SDK1: variants seen among roughly 807,000 people sequenced by gnomAD.
SDK1 encodes sidekick cell adhesion molecule 1.
A neutral mutation model predicts 245.5 loss-of-function variants in SDK1; 157 were observed. The ratio of observed to expected loss-of-function variants is 0.64; its 90% CI spans 0.56 to 0.73. The LOEUF is 0.73. Among genes scored for constraint, SDK1 ranks in the 30% least tolerant of loss-of-function variants. The pLI, the probability that SDK1 is intolerant of heterozygous loss-of-function variation, is 0.00. For missense variants in SDK1, 3,583 were observed against 3,002.3 expected (o/e 1.19, Z -4.52); for synonymous variants, 1,647 against 1,278.5 (o/e 1.29, Z -6.15).
chr7:3,920,366 T>C (rs555382962), intron 5 of SDK1, among the ~76,000 whole-genome samples: 5 of 151,832 alleles, frequency 3.3e-5, no homozygotes, highest in South Asian at 4.2e-4. Flanking sequence ...ACAGGAGTGG[T>C]AAGAGGGGAA....
chr7:3,987,108 C>T, intron 13 of SDK1, 78 bp from the exon 14 acceptor site: 2 of 1,437,536 alleles, frequency 1.4e-6, no homozygotes, highest in South Asian at 1.2e-5. Context: ...GCAGGACGGT[C>T]TGCTGTAAGA....
At chr7:4,043,028 T>C (rs1249548703) in intron 17 of SDK1, among the ~76,000 whole-genome samples, 1 of 152,224 alleles carries the variant, frequency 6.6e-6, no homozygotes, top group Non-Finnish European at 1.5e-5. Context: ...ACCTCCCTTG[T>C]CCTGTGACTG....
chr7:3,491,366 G>A (rs1219408151), intron 1 of SDK1, among the ~76,000 whole-genome samples: 2 of 152,206 alleles, frequency 1.3e-5, no homozygotes, highest in Non-Finnish European at 2.9e-5. Context: ...CCAGGCATCA[G>A]TATTTTGCAA....
rs377342132 is a variant in SDK1 at position 4,155,160 on chromosome 7, G to A, written c.4626-3288G>A. On this transcript the variant is annotated intron_variant, in intron 30 of 44. Coordinates refer to ENST00000404826, the MANE Select transcript of SDK1 (RefSeq NM_152744.4). ...GGGCAGTGGGGCTGCTGCTCCCATCGGCTGCCTGCTGGAGCTGCTTTCTGC... is the reference window on the plus strand; with the variant it reads ...GGGCAGTGGGGCTGCTGCTCCCATCAGCTGCCTGCTGGAGCTGCTTTCTGC... Among the ~76,000 whole-genome samples, 8 of 151,866 alleles carry A rather than the reference G, an allele frequency of 5.3e-5. 1 individual carries two copies. The East Asian group carries it at 7.8e-4, about 15-fold the overall frequency.
intron 1 of SDK1, among the ~76,000 whole-genome samples, chr7:3,461,961 A>G (rs1462808397): frequency 1.3e-5 from 2 of 152,100 alleles, no homozygotes; most frequent in Non-Finnish European, 2.9e-5. Flanking sequence ...AGCATGTTCA[A>G]GACTCTTCTG....
At chr7:3,676,814 C>T (rs12531974) in intron 4 of SDK1, among the ~76,000 whole-genome samples, 54,549 of 152,054 alleles carry the variant, frequency 0.36, 9,865 homozygotes, top group East Asian at 0.42. Flanking sequence ...CTTTGTTGAT[C>T]AGATGGTTGT....
chr7:3,319,371 G>C (rs1156563498), intron 1 of SDK1, among the ~76,000 whole-genome samples: 2 of 152,120 alleles, frequency 1.3e-5, no homozygotes, highest in Non-Finnish European at 2.9e-5. Flanking sequence ...AAGGGGTTGA[G>C]TGCCTGTAAG....
At chr7:3,430,727 C>G (rs1339597883) in intron 1 of SDK1, among the ~76,000 whole-genome samples, 1 of 152,180 alleles carries the variant, frequency 6.6e-6, no homozygotes, top group Non-Finnish European at 1.5e-5. Flanking sequence ...TGTTAGGAAT[C>G]TATCTCTAGT....
intron 4 of SDK1, among the ~76,000 whole-genome samples, chr7:3,692,207 A>T (rs915142321): frequency 1.2e-4 from 18 of 152,276 alleles, no homozygotes; most frequent in African/African-American, 3.6e-4. Flanking sequence ...TTCTTAAAAA[A>T]TTCTTTCTGA....
intron 2 of SDK1, among the ~76,000 whole-genome samples, chr7:3,623,818 C>T (rs796938229): frequency 6.6e-6 from 1 of 152,144 alleles, no homozygotes; most frequent in Non-Finnish European, 1.5e-5. Context: ...TAATTGTATA[C>T]TCTAAACTCC....
At position 3,870,098 on chromosome 7, in the gene SDK1, C is replaced by A. The variant is rs145107333; in HGVS notation, c.847+48515C>A. Among the ~76,000 whole-genome samples the A allele has an allele frequency of 4.2e-3, 637 of 152,224 alleles. 6 individuals carry two copies. The highest frequency in any genetic ancestry group is 0.015 in the African/African-American group (619 of 41,532). ...AAATAATAAAAGGCATTTAAAAATG[C>A]ATCATTCTTTAATACAAAGCCTTGG... On this transcript the variant is annotated intron_variant, in intron 5 of 44. Coordinates refer to ENST00000404826, the MANE Select transcript of SDK1 (RefSeq NM_152744.4).
At chr7:3,322,561 C>A (rs776959468) in intron 1 of SDK1, among the ~76,000 whole-genome samples, 1 of 152,192 alleles carries the variant, frequency 6.6e-6, no homozygotes, top group Admixed American at 6.5e-5. Context: ...AAACTCTCTC[C>A]CACAGTGGAA....
intron 1 of SDK1, among the ~76,000 whole-genome samples, chr7:3,597,631 T>G (rs1781109125): frequency 6.6e-6 from 1 of 152,188 alleles, no homozygotes; most frequent in Non-Finnish European, 1.5e-5. Flanking sequence ...AGTCTTAGTT[T>G]GATTAGGTCG....
rs937189174 is a variant in SDK1 at position 3,378,237 on chromosome 7, C to T, written c.298+76353C>T. On this transcript the variant is annotated intron_variant, in intron 1 of 44. Coordinates refer to ENST00000404826, the MANE Select transcript of SDK1 (RefSeq NM_152744.4). ...TCCAAGAGTCCCTCATAGTTTTGGT[C>T]TCACATATTTTGTGTTTTCTAGGCA... Among the ~76,000 whole-genome samples the T allele has an allele frequency of 7.9e-5, 12 of 152,196 alleles. No individual in the cohort carries two copies. The East Asian group carries it at 2.3e-3, about 29-fold the overall frequency.
intron 19 of SDK1, among the ~76,000 whole-genome samples, chr7:4,064,370 G>A (rs1779737203): frequency 6.6e-6 from 1 of 152,046 alleles, no homozygotes; most frequent in Non-Finnish European, 1.5e-5. Context: ...ACCTCAATGA[G>A]GTACCATTTT....
At chr7:3,523,209 T>TA (rs1783002591) in intron 1 of SDK1, among the ~76,000 whole-genome samples, 1 of 152,194 alleles carries the variant, frequency 6.6e-6, no homozygotes, top group African/African-American at 2.4e-5. Context: ...GATGTAATGT[T>TA]AAAGAGCCAC....
intron 1 of SDK1, among the ~76,000 whole-genome samples, chr7:3,406,013 A>G (rs890697765): frequency 2.6e-5 from 4 of 152,044 alleles, no homozygotes; most frequent in East Asian, 1.9e-4. Context: ...GGGTTTCGCC[A>G]TATTGCTCAG....
chr7:3,975,912 G>GATCCTCCA, intron 13 of SDK1, among the ~76,000 whole-genome samples: 1 of 147,986 alleles, frequency 6.8e-6, no homozygotes, highest in African/African-American at 2.5e-5. Flanking sequence ...CCACGTAGAG[G>GATCCTCCA]GTCCTCCAGA....
chr7:3,540,523 G>C (rs1779024706), intron 1 of SDK1, among the ~76,000 whole-genome samples: 1 of 151,016 alleles, frequency 6.6e-6, no homozygotes, highest in Non-Finnish European at 1.5e-5. Flanking sequence ...AGAGAGAGAA[G>C]TGACTCTGAA....
Sources: gnomAD v4.1 joint callset for allele counts (sites outside exome capture counted in the v4.1 genomes callset) on GRCh38, gnomAD v4.1.1 for gene constraint, MANE v1.5 for transcripts, NCBI Gene and HGNC (gene_info 2026-07-23, HGNC 2026-07-21) for gene names.